BLOC1S6: variants seen among roughly 807,000 people sequenced by gnomAD.
BLOC1S6 encodes the protein biogenesis of lysosomal organelles complex 1 subunit 6, also known as biogenesis of lysosome-related organelles complex 1 subunit 6.
BLOC1S6 carries 24 observed loss-of-function variants against 24.7 expected under a neutral mutation model. The ratio of observed to expected loss-of-function variants is 0.97; its 90% CI spans 0.70 to 1.37. BLOC1S6 has a LOEUF of 1.37. BLOC1S6 is among the 40% of genes most tolerant of loss of function. BLOC1S6 has a pLI of 0.00. For missense variants in BLOC1S6, 175 were observed against 196.2 expected, an observed-to-expected ratio of 0.89 and a Z score of 0.64; for synonymous variants, 76 against 72.6, an observed-to-expected ratio of 1.05 and a Z score of -0.23.
At position 45,606,767 on chromosome 15, in the gene BLOC1S6, A is replaced by G. The variant is rs1894481796; in HGVS notation, c.*253A>G. The stretch of plus-strand genomic sequence containing the variant: ...TATTTTGATCTTGAATTATTTATAA[A>G]CTGGAAAGTGGTTTGATTATTGTGA... On this transcript the variant is annotated 3_prime_UTR_variant, in exon 5 of 5. Transcript: ENST00000220531. 4.2e-6 allele frequency: 2 copies of G among 477,954 alleles called. No individual in the cohort carries two copies. The highest frequency in any genetic ancestry group is 3.9e-5 in the African/African-American group (2 of 51,316). 29.6% of individuals were successfully genotyped at this position (477,954 alleles called of 1,614,324 possible).
intron 1 of BLOC1S6, among the ~76,000 whole-genome samples, chr15:45,588,480 C>A (rs1414721810): frequency 5.3e-5 from 8 of 152,186 alleles, no homozygotes; most frequent in Non-Finnish European, 1.2e-4. Flanking sequence ...TGAAATTGCT[C>A]TGGACTTTTT....
At chr15:45,603,014 C>T (rs1277887727) in intron 2 of BLOC1S6, 86 bp from the exon 3 acceptor site, 2 of 841,908 alleles carry the variant, frequency 2.4e-6, no homozygotes, top group Non-Finnish European at 4.1e-6. Flanking sequence ...TAACTGTTAC[C>T]ATTAACCAAG....
At chr15:45,594,844 C>T (rs1036040608) in intron 2 of BLOC1S6, among the ~76,000 whole-genome samples, 2 of 152,192 alleles carry the variant, frequency 1.3e-5, no homozygotes, top group African/African-American at 4.8e-5. Context: ...CTTGGCCTCC[C>T]AGAGTCCTAG....
rs1032628546 is a variant in BLOC1S6 at position 45,595,932 on chromosome 15, T to A, written c.224+3656T>A. 2.0e-5 allele frequency among the ~76,000 whole-genome samples: 3 copies of A among 151,974 alleles called. No homozygotes were observed. In the East Asian group the frequency reaches 5.8e-4, roughly 29 times the overall value. On this transcript the variant is annotated intron_variant, in intron 2 of 4. Coordinates refer to ENST00000220531, the MANE Select transcript of BLOC1S6 (RefSeq NM_012388.4). The stretch of plus-strand genomic sequence containing the variant: ...AAGCGATTCTCCTGACTCAGCCTCC[T>A]GAGTAGCTGGGATTACAGGCATGCA...
chr15:45,587,232 G>A (rs112042138), upstream of BLOC1S6: 2 of 620,346 alleles, frequency 3.2e-6, no homozygotes, highest in African/African-American at 1.8e-5. Flanking sequence ...CTGCGTCCGG[G>A]GCCAGACGAC....
rs543400627 is a variant in BLOC1S6 at position 45,609,643 on chromosome 15, C to G, written c.*3129C>G. 6.6e-6 allele frequency: 1 copy of G among 152,064 alleles called. No individual in the cohort carries two copies. Among genetic ancestry groups the G allele is most frequent in the Admixed American group, 6.6e-5 (1 of 15,262 alleles). 9.4% of individuals were successfully genotyped at this position (152,064 alleles called of 1,614,324 possible). A position where few individuals can be genotyped will look rare whatever the true frequency, so the allele number is the denominator to read the frequency against. On this transcript the variant is annotated 3_prime_UTR_variant, in exon 5 of 5. Transcript: ENST00000220531. ...TAACAATTATACACCCTCATACATT[C>G]GTCTGATTTTGAGCTTGTAAGATGA...
At chr15:45,603,025 A>T (rs1218682698) in intron 2 of BLOC1S6, 75 bp from the exon 3 acceptor site, 1 of 941,220 alleles carries the variant, frequency 1.1e-6, no homozygotes, top group African/African-American at 1.6e-5. Context: ...ATTAACCAAG[A>T]TGAATATGAT....
Position 45,606,784 on chromosome 15 carries a change from T to C in BLOC1S6, c.*270T>C, listed in dbSNP as rs1894482525. On this transcript the variant is annotated 3_prime_UTR_variant, in exon 5 of 5. Coordinates refer to ENST00000220531, the MANE Select transcript of BLOC1S6 (RefSeq NM_012388.4). The stretch of plus-strand genomic sequence containing the variant: ...ATTTATAAACTGGAAAGTGGTTTGA[T>C]TATTGTGAGTCAAAACTCTAAGTGG... The C allele has an allele frequency of 2.3e-6, 1 of 430,774 alleles. No homozygotes were observed. Among genetic ancestry groups the C allele is most frequent in the Admixed American group, 4.0e-5 (1 of 25,004 alleles). 26.7% of individuals were successfully genotyped at this position (430,774 alleles called of 1,614,324 possible).
rs559998229 is a variant in BLOC1S6 at position 45,606,992 on chromosome 15, G to A, written c.*478G>A. On this transcript the variant is annotated 3_prime_UTR_variant, in exon 5 of 5. Coordinates refer to ENST00000220531, the MANE Select transcript of BLOC1S6 (RefSeq NM_012388.4). ...AATCACACCTACCCCTGGAAAAGAGGTAAACCTTTTGAACAGTTGAATTTC... is the reference window on the plus strand; with the variant it reads ...AATCACACCTACCCCTGGAAAAGAGATAAACCTTTTGAACAGTTGAATTTC... 6.3e-6 allele frequency: 1 copy of A among 158,334 alleles called. No homozygotes were observed. The highest frequency in any genetic ancestry group is 1.8e-4 in the South Asian group (1 of 5,434). The allele number at this position is 158,334 out of a possible 1,614,324, so 9.8% of individuals were successfully genotyped here. A position where few individuals can be genotyped will look rare whatever the true frequency, so the allele number is the denominator to read the frequency against.
chr15:45,596,259 G>A (rs144408341), intron 2 of BLOC1S6, among the ~76,000 whole-genome samples: 14,526 of 152,150 alleles, frequency 0.095, 2,378 homozygotes, highest in African/African-American at 0.33. Context: ...GTGCAGTGGC[G>A]CAGCCTTAGC....
intron 3 of BLOC1S6, 21 bp downstream of exon 3, chr15:45,603,208 GT>G: frequency 6.8e-7 from 1 of 1,462,786 alleles, no homozygotes. Flanking sequence ...TTTAGTTGAT[GT>G]AATTTAATGA....
intron 2 of BLOC1S6, among the ~76,000 whole-genome samples, chr15:45,600,551 T>C (rs1016426591): frequency 9.9e-5 from 15 of 152,232 alleles, no homozygotes; most frequent in African/African-American, 3.4e-4. Flanking sequence ...TCTACATCAA[T>C]TGATAGGACC....
In BLOC1S6 at chr15:45,587,577, G is replaced by A. The variant is rs1566897415; in HGVS notation, c.82+52G>A. On this transcript the variant is annotated intron_variant, in intron 1 of 4. Coordinates refer to ENST00000220531, the MANE Select transcript of BLOC1S6 (RefSeq NM_012388.4). Reference sequence around the variant, plus strand: ...GCCCGGGCTGGGTGTGAGGGGCGGGGACCTGAGTGAGTAGAACTCCGGAGA... The same window carrying A: ...GCCCGGGCTGGGTGTGAGGGGCGGGAACCTGAGTGAGTAGAACTCCGGAGA... The A allele has an allele frequency of 4.7e-6, 7 of 1,494,246 alleles. No homozygotes were observed. The East Asian group carries it at 1.5e-4, about 31-fold the overall frequency. 92.6% of individuals were successfully genotyped at this position (1,494,246 alleles called of 1,614,324 possible). A position where few individuals can be genotyped will look rare whatever the true frequency, so the allele number is the denominator to read the frequency against.
At chr15:45,587,887 C>G in intron 1 of BLOC1S6, 1 of 637,718 alleles carries the variant, frequency 1.6e-6, no homozygotes, top group Non-Finnish European at 2.8e-6. Flanking sequence ...GTGACGTATC[C>G]TATAATATTG....
upstream of BLOC1S6, chr15:45,587,246 A>G (rs1893704401): frequency 3.2e-6 from 2 of 630,926 alleles, no homozygotes; most frequent in Admixed American, 4.9e-5. Flanking sequence ...AGACGACGAT[A>G]TCAGCGCGGG....
intron 4 of BLOC1S6, chr15:45,605,738 C>T (rs917405974): frequency 1.8e-5 from 8 of 438,508 alleles, no homozygotes; most frequent in East Asian, 9.4e-5. Context: ...TACAGGTGCC[C>T]GCCACCACAC....
chr15:45,593,942 G>T (rs187477724), intron 2 of BLOC1S6, among the ~76,000 whole-genome samples: 11 of 152,232 alleles, frequency 7.2e-5, no homozygotes, highest in Middle Eastern at 3.4e-3. Context: ...ATTAGCTATT[G>T]AATATGATGC....
chr15:45,592,467 A>G (rs1305055253), intron 2 of BLOC1S6, among the ~76,000 whole-genome samples, 191 bp downstream of exon 2: 1 of 151,724 alleles, frequency 6.6e-6, no homozygotes, highest in Non-Finnish European at 1.5e-5. Flanking sequence ...TGAAATGAAT[A>G]CTCCTAGGGT....
intron 4 of BLOC1S6, 82 bp from the exon 5 acceptor site, chr15:45,606,313 C>A: frequency 6.5e-7 from 1 of 1,548,702 alleles, no homozygotes; most frequent in Non-Finnish European, 8.8e-7. Flanking sequence ...TACCTCAAAG[C>A]AGAGCACTGT....
Sources: allele counts gnomAD v4.1 joint callset (sites outside exome capture counted in the v4.1 genomes callset), GRCh38; gene constraint gnomAD v4.1.1; transcripts MANE v1.5; gene names NCBI Gene and HGNC (gene_info 2026-07-23, HGNC 2026-07-21).